LPGAT1: variants seen among roughly 807,000 people sequenced by gnomAD.
The protein encoded by LPGAT1 is acyl-CoA:lysophosphatidylglycerol acyltransferase 1.
Under a neutral mutation model 47.5 loss-of-function variants are expected in LPGAT1, and 11 were observed. The ratio of observed to expected loss-of-function variants is 0.23; its 90% CI spans 0.15 to 0.38. The LOEUF is 0.38. LPGAT1 is among the 10% of genes least tolerant of loss of function. The pLI, the probability that LPGAT1 is intolerant of heterozygous loss-of-function variation, is 1.00. For missense variants in LPGAT1, 293 were observed against 439.0 expected (o/e 0.67, Z 2.97); for synonymous variants, 138 against 144.2 (o/e 0.96, Z 0.31).
intron 2 of LPGAT1, among the ~76,000 whole-genome samples, chr1:211,822,735 G>T (rs1262949248): frequency 3.3e-5 from 5 of 150,746 alleles, no homozygotes; most frequent in Admixed American, 6.6e-5. Flanking sequence ...CCAAGATCGT[G>T]CCATTGCACT....
intron 2 of LPGAT1, among the ~76,000 whole-genome samples, chr1:211,814,664 AC>A (rs1197277865): frequency 6.6e-6 from 1 of 152,168 alleles, no homozygotes; most frequent in Non-Finnish European, 1.5e-5. Context: ...CAGGATCTAG[AC>A]TTTTCCACCT....
At chr1:211,808,742 A>C (rs12125042) in intron 2 of LPGAT1, among the ~76,000 whole-genome samples, 12,744 of 152,300 alleles carry the variant, frequency 0.084, 656 homozygotes, top group Admixed American at 0.15. Context: ...AGCAGAACTC[A>C]GCAAACTTTT....
intron 2 of LPGAT1, among the ~76,000 whole-genome samples, chr1:211,811,077 G>A (rs771776045): frequency 1.4e-4 from 22 of 152,154 alleles, no homozygotes; most frequent in Non-Finnish European, 2.8e-4. Flanking sequence ...CTGATATTTG[G>A]AAACACAGAC....
intron 2 of LPGAT1, among the ~76,000 whole-genome samples, chr1:211,806,135 C>T (rs1009558813): frequency 6.6e-6 from 1 of 151,906 alleles, no homozygotes; most frequent in Non-Finnish European, 1.5e-5. Flanking sequence ...TGGCACACGC[C>T]TGTAGTCCCG....
At chr1:211,807,090 T>G (rs150975281) in intron 2 of LPGAT1, among the ~76,000 whole-genome samples, 119 of 152,238 alleles carry the variant, frequency 7.8e-4, no homozygotes, top group African/African-American at 2.8e-3. Context: ...GATACAAAAC[T>G]GACATAGCTA....
chr1:211,759,356 A>C (rs143175566), intron 6 of LPGAT1, among the ~76,000 whole-genome samples: 327 of 152,304 alleles, frequency 2.1e-3, no homozygotes, highest in African/African-American at 7.5e-3. Context: ...AGCAGCTGGG[A>C]ATACAGGTGC....
intron 2 of LPGAT1, among the ~76,000 whole-genome samples, chr1:211,825,731 T>C (rs1660526714): frequency 6.6e-6 from 1 of 152,194 alleles, no homozygotes; most frequent in Non-Finnish European, 1.5e-5. Context: ...GAGGCCAACG[T>C]GGGCGGATCA....
chr1:211,783,109 A>G (rs1658709278), intron 5 of LPGAT1, 120 bp downstream of exon 5: 2 of 923,952 alleles, frequency 2.2e-6, no homozygotes, highest in South Asian at 2.5e-5. Context: ...TTACAGTTTC[A>G]TCTTCTCCCT....
At chr1:211,763,763 TC>T (rs1657799382) in intron 6 of LPGAT1, among the ~76,000 whole-genome samples, 1 of 152,208 alleles carries the variant, frequency 6.6e-6, no homozygotes, top group Admixed American at 6.5e-5. Flanking sequence ...TTCCAGATTA[TC>T]CTATTTAAAA....
chr1:211,765,044 C>A (rs766014240), intron 6 of LPGAT1, among the ~76,000 whole-genome samples: 4 of 152,172 alleles, frequency 2.6e-5, no homozygotes, highest in Non-Finnish European at 5.9e-5. Flanking sequence ...TTGAGACACA[C>A]AGTAAGATGC....
intron 2 of LPGAT1, among the ~76,000 whole-genome samples, chr1:211,793,525 C>T (rs929383148): frequency 4.0e-5 from 6 of 151,788 alleles, no homozygotes; most frequent in South Asian, 2.1e-4. Context: ...CTCTACCTCC[C>T]GGGTTCAAGC....
intron 2 of LPGAT1, among the ~76,000 whole-genome samples, chr1:211,817,701 T>A (rs1007658585): frequency 6.6e-6 from 1 of 152,302 alleles, no homozygotes; most frequent in East Asian, 1.9e-4. Context: ...ATGTCAGTAA[T>A]AGGATACATG....
At chr1:211,804,661 A>G (rs1659691466) in intron 2 of LPGAT1, among the ~76,000 whole-genome samples, 1 of 152,206 alleles carries the variant, frequency 6.6e-6, no homozygotes, top group Non-Finnish European at 1.5e-5. Flanking sequence ...CCACAATATG[A>G]TTTTTAATGG....
At chr1:211,755,556 A>C (rs543098912) in intron 6 of LPGAT1, among the ~76,000 whole-genome samples, 61 of 152,060 alleles carry the variant, frequency 4.0e-4, no homozygotes, top group Non-Finnish European at 6.2e-4. Context: ...GACAGAAAAA[A>C]AATAGAGGAA....
chr1:211,828,725 G>C (rs1475058050), intron 2 of LPGAT1, among the ~76,000 whole-genome samples: 1 of 152,112 alleles, frequency 6.6e-6, no homozygotes, highest in Non-Finnish European at 1.5e-5. Flanking sequence ...TGAAATAGAT[G>C]AAATATCTTA....
chr1:211,783,680 T>A (rs772838459), intron 4 of LPGAT1, among the ~76,000 whole-genome samples, 178 bp from the exon 5 acceptor site: 94 of 152,206 alleles, frequency 6.2e-4, no homozygotes, highest in Non-Finnish European at 1.1e-3. Flanking sequence ...AGAGAAGTTA[T>A]TAGCATTTAT....
chr1:211,751,084 G>T lies in LPGAT1; in HGVS notation c.855-17C>A. ...GGAAAGATCCTATTAAGGGTTAGAA[G>T]AAAAGAACAAAAACTATTTAGTTCA... On this transcript the variant is annotated splice_polypyrimidine_tract_variant and intron_variant, in intron 6 of 7. Coordinates refer to ENST00000366997, the MANE Select transcript of LPGAT1 (RefSeq NM_014873.3). The T allele has an allele frequency of 1.3e-6, 2 of 1,514,654 alleles. No homozygotes were observed. Among genetic ancestry groups the T allele is most frequent in the Non-Finnish European group, 1.8e-6 (2 of 1,096,314 alleles). The allele number at this position is 1,514,654 out of a possible 1,614,324, so 93.8% of individuals were successfully genotyped here. A position where few individuals can be genotyped will look rare whatever the true frequency, so the allele number is the denominator to read the frequency against.
intron 2 of LPGAT1, among the ~76,000 whole-genome samples, chr1:211,818,698 T>G (rs1406887316): frequency 6.6e-6 from 1 of 152,306 alleles, no homozygotes; most frequent in Non-Finnish European, 1.5e-5. Context: ...ATCTTTAAAG[T>G]TCTCAAGGCA....
chr1:211,813,169 GAAGT>G (rs1204634695), intron 2 of LPGAT1, among the ~76,000 whole-genome samples: 1 of 152,184 alleles, frequency 6.6e-6, no homozygotes, highest in Non-Finnish European at 1.5e-5. Context: ...ACTAAATGCT[GAAGT>G]AAGAATTTAT....
Sources: allele counts gnomAD v4.1 joint callset (sites outside exome capture counted in the v4.1 genomes callset), GRCh38; gene constraint gnomAD v4.1.1; transcripts MANE v1.5; gene names NCBI Gene and HGNC (gene_info 2026-07-23, HGNC 2026-07-21).